SLC9A4: variants seen among roughly 807,000 people sequenced by gnomAD.
SLC9A4 encodes solute carrier family 9 member A4, also known as sodium/hydrogen exchanger 4.
SLC9A4 carries 63 observed loss-of-function variants against 67.4 expected under a neutral mutation model. That is an observed-to-expected ratio of 0.93 (90% CI 0.76 to 1.15). The LOEUF is 1.15. Among genes scored for constraint, SLC9A4 ranks in the 50% most tolerant of loss-of-function variants. SLC9A4 has a pLI of 0.00. For synonymous variants in SLC9A4, 393 were observed against 367.2 expected (o/e 1.07, Z -0.80); for missense variants, 1,089 against 987.7 (o/e 1.10, Z -1.38).
intron 2 of SLC9A4, among the ~76,000 whole-genome samples, chr2:102,499,545 T>C (rs1297056265): frequency 6.6e-6 from 1 of 152,162 alleles, no homozygotes; most frequent in African/African-American, 2.4e-5. Context: ...TGTGTGTCTG[T>C]TGCATGTGTC....
intron 2 of SLC9A4, among the ~76,000 whole-genome samples, chr2:102,497,672 C>T (rs575375112): frequency 2.0e-5 from 3 of 152,134 alleles, no homozygotes; most frequent in Non-Finnish European, 2.9e-5. Context: ...GGGCCAGGGT[C>T]GGAGAGAAGG....
intron 1 of SLC9A4, among the ~76,000 whole-genome samples, chr2:102,476,863 G>A (rs1192314854): frequency 6.6e-6 from 1 of 152,086 alleles, no homozygotes; most frequent in Non-Finnish European, 1.5e-5. Flanking sequence ...GGAGGAAGAG[G>A]AAATGCAGAA....
At chr2:102,510,272 C>CAGATACAGATACAGATAT (rs61491026) in intron 6 of SLC9A4, among the ~76,000 whole-genome samples, 9,292 of 125,922 alleles carry the variant, frequency 0.074, 449 homozygotes, top group Non-Finnish European at 0.085. Context: ...GATACAGATA[C>CAGATACAGATACAGATAT]AGATATAGAT....
chr2:102,488,680 C>T (rs1349949432), intron 2 of SLC9A4, among the ~76,000 whole-genome samples: 2 of 151,784 alleles, frequency 1.3e-5, no homozygotes, highest in Non-Finnish European at 2.9e-5. Context: ...TCCCGAGTAG[C>T]TGGGACTAAA....
rs531025878 is a variant in SLC9A4, at chr2:102,506,804, CTCAACAT to C, written c.1199-1273_1199-1267del. The stretch of plus-strand genomic sequence containing the variant: ...AGGAGAGGATTTATATTGCAGGAAC[CTCAACAT>C]TGTTAATCCTTCATGATCCAGCTCA... On this transcript the variant is annotated intron_variant, in intron 4 of 11. Coordinates refer to ENST00000295269, the MANE Select transcript of SLC9A4 (RefSeq NM_001011552.4). 2.6e-4 allele frequency among the ~76,000 whole-genome samples: 40 copies of C among 152,234 alleles called. 1 individual carries two copies. The East Asian group carries it at 5.8e-3, about 22-fold the overall frequency.
At chr2:102,498,808 A>C (rs1357395158) in intron 2 of SLC9A4, among the ~76,000 whole-genome samples, 1 of 152,256 alleles carries the variant, frequency 6.6e-6, no homozygotes, top group Non-Finnish European at 1.5e-5. Context: ...AGTTTGTTTA[A>C]ATAAAATAGA....
chr2:102,517,273 C>T (rs2104443271), intron 8 of SLC9A4, among the ~76,000 whole-genome samples: 2 of 152,258 alleles, frequency 1.3e-5, no homozygotes, highest in Middle Eastern at 3.4e-3. Context: ...GTCTTCTGAG[C>T]CCACTTTTCC....
intron 9 of SLC9A4, among the ~76,000 whole-genome samples, chr2:102,523,464 C>A (rs971947939): frequency 6.6e-6 from 1 of 152,176 alleles, no homozygotes; most frequent in African/African-American, 2.4e-5. Flanking sequence ...TTGACCGTCT[C>A]ATGTATGGAC....
chr2:102,508,233 G>A lies in SLC9A4; in HGVS notation c.1353G>A (p.Met451Ile), dbSNP rs547477827. 6.2e-7 allele frequency: 1 copy of A among 1,614,098 alleles called. No homozygotes were observed. Among genetic ancestry groups the A allele is most frequent in the East Asian group, 2.2e-5 (1 of 44,888 alleles). ...TGTCTCTTTTTCCTAGGAAGAAAATGTTTGTCACTGCTACTCTAGTAGTTA... is the reference window on the plus strand; with the variant it reads ...TGTCTCTTTTTCCTAGGAAGAAAATATTTGTCACTGCTACTCTAGTAGTTA... ...LPLSLFPRKK[M>I]FVTATLVVIY... The change falls in exon 5 of 12, where the codon ATG (methionine) becomes ATA (isoleucine). Residue 451 changes from methionine to isoleucine, a missense_variant. Transcript: ENST00000295269.
chr2:102,506,803 C>A (rs1403736956), intron 4 of SLC9A4, among the ~76,000 whole-genome samples: 1 of 152,088 alleles, frequency 6.6e-6, no homozygotes, highest in Non-Finnish European at 1.5e-5. Flanking sequence ...ATTGCAGGAA[C>A]CTCAACATTG....
At chr2:102,503,387 A>T in intron 2 of SLC9A4, 61 bp from the exon 3 acceptor site, 3 of 1,418,706 alleles carry the variant, frequency 2.1e-6, no homozygotes, top group Non-Finnish European at 2.8e-6. Flanking sequence ...GAGAATGTGC[A>T]TGCAAAGTGT....
At chr2:102,530,629 G>A (rs905884777) in intron 11 of SLC9A4, among the ~76,000 whole-genome samples, 4 of 152,200 alleles carry the variant, frequency 2.6e-5, no homozygotes, top group African/African-American at 9.7e-5. Flanking sequence ...AACAGGAAAG[G>A]TTGGAGTGAA....
At position 102,479,315 on chromosome 2, in the gene SLC9A4, G is replaced by A. The variant is rs779889613; in HGVS notation, c.720+13G>A. Reference sequence around the variant, plus strand: ...TGGCATTACTGTGGTGAGATGTCATGTGCCCGCCCGGCTTCCGGGGGAGAT... The same window carrying A: ...TGGCATTACTGTGGTGAGATGTCATATGCCCGCCCGGCTTCCGGGGGAGAT... On this transcript the variant is annotated intron_variant, in intron 2 of 11. Transcript: ENST00000295269. The A allele has an allele frequency of 6.9e-6, 11 of 1,592,878 alleles. No homozygotes were observed. The East Asian group carries it at 2.0e-4, about 29-fold the overall frequency.
chr2:102,517,335 A>G (rs139022746), intron 8 of SLC9A4, among the ~76,000 whole-genome samples: 2,295 of 152,306 alleles, frequency 0.015, 35 homozygotes, highest in Non-Finnish European at 0.023. Context: ...TTCTAAATAA[A>G]TTCCCAAGTC....
Position 102,532,641 on chromosome 2 carries a change from G to A in SLC9A4, c.2350G>A (p.Gly784Ser), listed in dbSNP as rs1014286. ...RSRWTADHGH[G>S]RDHHRSHSPL... ...GAGGTGGACAGCTGACCATGGACACGGCAGGGACCATCACAGGTCCCATAG... is the reference window on the plus strand; with the variant it reads ...GAGGTGGACAGCTGACCATGGACACAGCAGGGACCATCACAGGTCCCATAG... The change falls in exon 12 of 12, where the codon GGC becomes AGC. Residue 784 changes from glycine to serine, a missense_variant. Coordinates refer to ENST00000295269, the MANE Select transcript of SLC9A4 (RefSeq NM_001011552.4). 1,016,038 of 1,613,224 alleles carry A rather than the reference G, an allele frequency of 0.63. 321,379 individuals are homozygous for A. Among genetic ancestry groups the A allele is most frequent in the Admixed American group, 0.72 (42,880 of 59,942 alleles).
rs1364165231 is a variant in SLC9A4 at position 102,532,410 on chromosome 2, G to A, written c.2119G>A (p.Ala707Thr). ...GATAGGGTCACTTCAGAAGCAAGAG[G>A]CACAAGAAATAATACCAATGAAGAG... Reference protein sequence around the residue: ...SRIGSLQKQEAQEIIPMKSLH... With the variant: ...SRIGSLQKQETQEIIPMKSLH... Residue 707 changes from alanine to threonine, a missense_variant, in exon 12 of 12, where the codon GCA (alanine) becomes ACA (threonine). Ala to Thr is a moderately conservative substitution (Grantham distance 58). Transcript: ENST00000295269. 1.2e-6 allele frequency: 2 copies of A among 1,614,166 alleles called. No homozygotes were observed. The highest frequency in any genetic ancestry group is 1.7e-6 in the Non-Finnish European group (2 of 1,180,024).
chr2:102,528,131 C>G (rs886390086), intron 11 of SLC9A4, among the ~76,000 whole-genome samples: 7 of 152,052 alleles, frequency 4.6e-5, no homozygotes, highest in Non-Finnish European at 1.0e-4. Context: ...GCTCAGCCTC[C>G]CGAGTAGCTG....
intron 2 of SLC9A4, among the ~76,000 whole-genome samples, chr2:102,487,572 T>A (rs1341673264): frequency 6.6e-6 from 1 of 152,166 alleles, no homozygotes; most frequent in African/African-American, 2.4e-5. Context: ...TGCCTCCCAT[T>A]TGATTCATCA....
chr2:102,513,956 T>A, intron 7 of SLC9A4, 134 bp from the exon 8 acceptor site: 1 of 1,238,848 alleles, frequency 8.1e-7, no homozygotes. Context: ...TCAAATGCTA[T>A]GAATTCCAGG....
Sources: gnomAD v4.1 joint callset for allele counts (sites outside exome capture counted in the v4.1 genomes callset) on GRCh38, gnomAD v4.1.1 for gene constraint, MANE v1.5 for transcripts, NCBI Gene and HGNC (gene_info 2026-07-23, HGNC 2026-07-21) for gene names.